TXNRD1: variants seen among roughly 807,000 people sequenced by gnomAD.
TXNRD1 encodes thioredoxin reductase 1, also known as thioredoxin reductase 1, cytoplasmic.
A neutral mutation model predicts 80.3 loss-of-function variants in TXNRD1; 57 were observed. The ratio of observed to expected loss-of-function variants is 0.71; its 90% CI spans 0.57 to 0.89. The LOEUF is 0.89. Among genes scored for constraint, TXNRD1 ranks in the 40% least tolerant of loss-of-function variants. TXNRD1 has a pLI of 0.00. For missense variants in TXNRD1, 730 were observed against 803.0 expected, an observed-to-expected ratio of 0.91 and a Z score of 1.10; for synonymous variants, 291 against 285.2, an observed-to-expected ratio of 1.02 and a Z score of -0.20.
At chr12:104,277,428 G>A (rs1001823918) in intron 3 of TXNRD1, among the ~76,000 whole-genome samples, 3 of 150,722 alleles carry the variant, frequency 2.0e-5, no homozygotes, top group Admixed American at 6.6e-5. Context: ...AGTCAGGCAC[G>A]GTAGTGTGTG....
At chr12:104,309,710 G>A in intron 4 of TXNRD1, 1 of 1,385,500 alleles carries the variant, frequency 7.2e-7, no homozygotes, top group Non-Finnish European at 9.7e-7. Flanking sequence ...AAGCATAATT[G>A]ATCCTTTGAT....
At chr12:104,331,447 C>A in intron 13 of TXNRD1, 87 bp from the exon 14 acceptor site, 1 of 766,064 alleles carries the variant, frequency 1.3e-6, no homozygotes, top group South Asian at 1.8e-5. Context: ...ACTCTTATAT[C>A]CTTTGTCAAT....
At chr12:104,268,772 C>A (rs11111964) in intron 3 of TXNRD1, among the ~76,000 whole-genome samples, 2 of 151,842 alleles carry the variant, frequency 1.3e-5, no homozygotes, top group Non-Finnish European at 2.9e-5. Context: ...CCGCCTTGGC[C>A]TCTCAAAGTG....
At chr12:104,267,645 GTATCTTTCTTTCTTTCTTTC>G (rs2033534945) in intron 3 of TXNRD1, among the ~76,000 whole-genome samples, 4 of 103,504 alleles carry the variant, frequency 3.9e-5, no homozygotes, top group African/African-American at 1.5e-4. Flanking sequence ...AGATGTGATG[GTATCTTTCTTTCTTTCTTTC>G]TTTCTTTCTT....
At chr12:104,279,045 C>G (rs1348288333) in intron 3 of TXNRD1, among the ~76,000 whole-genome samples, 1 of 152,204 alleles carries the variant, frequency 6.6e-6, no homozygotes, top group East Asian at 1.9e-4. Context: ...CTGGTCCCTG[C>G]TCACATGTGG....
chr12:104,304,049 A>G (rs2034770020), intron 4 of TXNRD1: 1 of 1,613,784 alleles, frequency 6.2e-7, no homozygotes. Context: ...GAAGTGCCGC[A>G]GCATCCGCAG....
At chr12:104,333,336 T>G (rs1042527455) in intron 14 of TXNRD1, among the ~76,000 whole-genome samples, 1 of 152,114 alleles carries the variant, frequency 6.6e-6, no homozygotes, top group African/African-American at 2.4e-5. Flanking sequence ...AAAATTTGCT[T>G]TGTTATTATA....
intron 4 of TXNRD1, chr12:104,304,108 C>T (rs2034774045): frequency 1.2e-6 from 2 of 1,614,018 alleles, no homozygotes; most frequent in Middle Eastern, 3.3e-4. Context: ...GGGAGGACAT[C>T]GTGAGCTCGG....
chr12:104,325,320 C>CTT lies in TXNRD1; in HGVS notation c.1216-15_1216-14dup. On this transcript the variant is annotated splice_polypyrimidine_tract_variant and intron_variant, in intron 10 of 16. Coordinates refer to ENST00000525566, the MANE Select transcript of TXNRD1 (RefSeq NM_001093771.3). Reference sequence around the variant, plus strand: ...TAAATGTCTTTATTTCACAGTAAAACTTTATCACTCTTACAGGTTGAACAA... The same window carrying CTT: ...TAAATGTCTTTATTTCACAGTAAAACTTTTTATCACTCTTACAGGTTGAACAA... The CTT allele has an allele frequency of 5.0e-6, 8 of 1,590,772 alleles. No homozygotes were observed. Among genetic ancestry groups the CTT allele is most frequent in the Non-Finnish European group, 6.9e-6 (8 of 1,161,126 alleles).
chr12:104,230,079 AT>A (rs1354304848), intron 1 of TXNRD1, among the ~76,000 whole-genome samples: 5 of 150,072 alleles, frequency 3.3e-5, no homozygotes, highest in African/African-American at 7.5e-5. Context: ...CATTTTTTTC[AT>A]TTTTTTTGAG....
At chr12:104,302,593 C>T (rs1009561091) in intron 4 of TXNRD1, among the ~76,000 whole-genome samples, 1 of 148,310 alleles carries the variant, frequency 6.7e-6, no homozygotes, top group African/African-American at 2.5e-5. Flanking sequence ...GGGTTCACGC[C>T]ATTCTTCTGC....
intron 3 of TXNRD1, among the ~76,000 whole-genome samples, chr12:104,264,721 T>C (rs1051788433): frequency 1.1e-4 from 17 of 152,236 alleles, no homozygotes; most frequent in Non-Finnish European, 1.8e-4. Flanking sequence ...GCCATTCTAC[T>C]ATATTTGGAC....
rs56077479 is a variant in TXNRD1, at chr12:104,229,144, C to CT, written c.91+13272dup. 2.2e-3 allele frequency among the ~76,000 whole-genome samples: 231 copies of CT among 106,076 alleles called. 1 individual carries two copies. Among genetic ancestry groups the CT allele is most frequent in the East Asian group, 0.015 (59 of 3,878 alleles). 69.6% of individuals were successfully genotyped at this position (106,076 alleles called of 152,430 possible). On this transcript the variant is annotated intron_variant, in intron 1 of 16. Transcript: ENST00000525566. ...TTTGCCTATTCCGAGCATTACTTTT[C>CT]TTTTTTTTTTTTTTTTTTTTTGAGA... is the stretch of plus-strand genomic sequence containing the variant.
At position 104,334,297 on chromosome 12, in the gene TXNRD1, T is replaced by A; in HGVS notation, c.1711T>A (p.Cys571Ser). 1 of 1,534,328 alleles carries A rather than the reference T, an allele frequency of 6.5e-7. No individual in the cohort carries two copies. The highest frequency in any genetic ancestry group is 8.8e-7 in the Non-Finnish European group (1 of 1,137,204). ...WTIPSRDNNKCYAKIICNTKD... is the reference protein window; with the variant it reads ...WTIPSRDNNKSYAKIICNTKD... Reference sequence around the variant, plus strand: ...GATTCCGTCAAGAGATAACAACAAATGTTATGCAAAAATAATCTGTAATAC... The same window carrying A: ...GATTCCGTCAAGAGATAACAACAAAAGTTATGCAAAAATAATCTGTAATAC... Residue 571 changes from cysteine to serine, a missense_variant, in exon 15 of 17, where the codon TGT becomes AGT. By Grantham distance (112) the Cys-to-Ser change is moderately radical. Transcript: ENST00000525566.
intron 3 of TXNRD1, among the ~76,000 whole-genome samples, chr12:104,266,690 G>A (rs2033496004): frequency 6.6e-6 from 1 of 152,086 alleles, no homozygotes; most frequent in Admixed American, 6.6e-5. Flanking sequence ...AGGGCCGGGC[G>A]CGGTGGCTCA....
At position 104,241,528 on chromosome 12, in the gene TXNRD1, G is replaced by A. The variant is rs749185106; in HGVS notation, c.92-9999G>A. The stretch of plus-strand genomic sequence containing the variant: ...TGGGATTATAGGCATGTGCCACCAC[G>A]ACCGGCTAATTTTGTATTTTTAGTA... On this transcript the variant is annotated intron_variant, in intron 1 of 16. Transcript: ENST00000525566. 3.3e-5 allele frequency among the ~76,000 whole-genome samples: 5 copies of A among 151,218 alleles called. No individual in the cohort carries two copies. The East Asian group carries it at 5.9e-4, about 18-fold the overall frequency.
chr12:104,274,717 A>G (rs2033720231), intron 3 of TXNRD1, among the ~76,000 whole-genome samples: 1 of 139,654 alleles, frequency 7.2e-6, no homozygotes, highest in African/African-American at 2.8e-5. Flanking sequence ...AAAATTAATA[A>G]TAAAAAAAAT....
intron 16 of TXNRD1, 58 bp from the exon 17 acceptor site, chr12:104,348,295 C>G (rs1439943068): frequency 2.6e-6 from 4 of 1,541,974 alleles, no homozygotes; most frequent in Non-Finnish European, 3.6e-6. Flanking sequence ...CTGAACTGTT[C>G]CCTGTTACCT....
chr12:104,287,600 C>A (rs946335211), intron 3 of TXNRD1, among the ~76,000 whole-genome samples: 4 of 152,204 alleles, frequency 2.6e-5, no homozygotes, highest in African/African-American at 9.7e-5. Context: ...TGGCAAAACA[C>A]ATGGGGTCTC....
Sources: allele counts gnomAD v4.1 joint callset (sites outside exome capture counted in the v4.1 genomes callset), GRCh38; gene constraint gnomAD v4.1.1; transcripts MANE v1.5; gene names NCBI Gene and HGNC (gene_info 2026-07-23, HGNC 2026-07-21).